Variants in SPECC1L observed in about 807,000 individuals in gnomAD.
SPECC1L encodes the protein sperm antigen with calponin homology and coiled-coil domains 1 like.
A neutral mutation model predicts 116.8 loss-of-function variants in SPECC1L; 40 were observed. The ratio of observed to expected loss-of-function variants is 0.34; its 90% CI spans 0.27 to 0.45. The LOEUF (loss-of-function observed/expected upper bound fraction) is 0.45. Ranked by LOEUF, SPECC1L falls within the 20% of genes least tolerant of loss-of-function variation. The pLI is 1.00. For synonymous variants in SPECC1L, 504 were observed against 500.6 expected, an observed-to-expected ratio of 1.01 and a Z score of -0.09; for missense variants, 1,110 against 1,373.6, an observed-to-expected ratio of 0.81 and a Z score of 3.03.
chr22:24,355,959 A>G (rs1389037205), intron 11 of SPECC1L, among the ~76,000 whole-genome samples: 1 of 151,852 alleles, frequency 6.6e-6, no homozygotes, highest in African/African-American at 2.4e-5. Flanking sequence ...ATCACCCCCA[A>G]AATTCCTTCA....
At position 24,342,987 on chromosome 22, in the gene SPECC1L, G is replaced by A. The variant is rs141607385; in HGVS notation, c.2653-4099G>A. Among the ~76,000 whole-genome samples the A allele has an allele frequency of 9.9e-5, 15 of 152,176 alleles. No homozygotes were observed. In the East Asian group the frequency reaches 2.9e-3, roughly 30 times the overall value. On this transcript the variant is annotated intron_variant, in intron 10 of 16. Coordinates refer to ENST00000314328, the MANE Select transcript of SPECC1L (RefSeq NM_015330.6). ...GTGGGCAGATCACCTGAGCTCAGGA[G>A]TTTGAAACCAGCCTGGACAACATGG... is the stretch of plus-strand genomic sequence containing the variant.
intron 2 of SPECC1L, among the ~76,000 whole-genome samples, chr22:24,282,471 A>G (rs1232184038): frequency 6.6e-6 from 1 of 152,166 alleles, no homozygotes; most frequent in Non-Finnish European, 1.5e-5. Context: ...GTTAAGTTAG[A>G]TCTCTCACTG....
intron 14 of SPECC1L, among the ~76,000 whole-genome samples, chr22:24,371,857 G>A (rs558507268): frequency 6.6e-6 from 1 of 152,318 alleles, no homozygotes; most frequent in South Asian, 2.1e-4. Flanking sequence ...AAGTAGCTGG[G>A]ATTACAAACG....
At chr22:24,288,618 T>A (rs2049096600) in intron 2 of SPECC1L, among the ~76,000 whole-genome samples, 1 of 63,478 alleles carries the variant, frequency 1.6e-5, no homozygotes, top group Non-Finnish European at 3.3e-5. Flanking sequence ...TTTTAAGCTT[T>A]TTTTTTTTTT....
intron 14 of SPECC1L, among the ~76,000 whole-genome samples, chr22:24,393,399 A>G (rs1374801868): frequency 6.6e-6 from 1 of 152,076 alleles, no homozygotes; most frequent in Non-Finnish European, 1.5e-5. Context: ...GTGTGTTTGC[A>G]GCTGCAGGAC....
chr22:24,396,295 G>T (rs1043562780), intron 14 of SPECC1L, among the ~76,000 whole-genome samples: 3 of 148,334 alleles, frequency 2.0e-5, no homozygotes, highest in South Asian at 2.1e-4. Flanking sequence ...ACTTTCTGTG[G>T]TTTTTTTTTT....
chr22:24,382,194 A>C (rs1214658081), intron 14 of SPECC1L, among the ~76,000 whole-genome samples: 1 of 152,190 alleles, frequency 6.6e-6, no homozygotes, highest in Non-Finnish European at 1.5e-5. Flanking sequence ...GCAGGAGCCA[A>C]AATTATAGAG....
In SPECC1L at chr22:24,276,721, C is replaced by T. The variant is rs932952831; in HGVS notation, c.-120C>T. 2 of 452,776 alleles carry T rather than the reference C, an allele frequency of 4.4e-6. No homozygotes were observed. The highest frequency in any genetic ancestry group is 8.8e-6 in the Non-Finnish European group (2 of 226,290). The allele number at this position is 452,776 out of a possible 1,614,324, so 28.0% of individuals were successfully genotyped here. A position where few individuals can be genotyped will look rare whatever the true frequency, so the allele number is the denominator to read the frequency against. On this transcript the variant is annotated 5_prime_UTR_variant, in exon 2 of 17. Transcript: ENST00000314328. ...CTAGTGTTCTTGGGGAAGATCCCGACTAAGCCATTTTCCAGTGGCACCTCT... is the reference window on the plus strand; with the variant it reads ...CTAGTGTTCTTGGGGAAGATCCCGATTAAGCCATTTTCCAGTGGCACCTCT...
intron 2 of SPECC1L, among the ~76,000 whole-genome samples, chr22:24,299,004 A>G (rs1296699625): frequency 6.6e-6 from 1 of 152,220 alleles, no homozygotes; most frequent in Non-Finnish European, 1.5e-5. Context: ...CATGATAGGT[A>G]GGGTGATATC....
chr22:24,325,489 TTCTG>T (rs1472468345), intron 6 of SPECC1L, among the ~76,000 whole-genome samples: 2 of 152,216 alleles, frequency 1.3e-5, no homozygotes, highest in Non-Finnish European at 2.9e-5. Context: ...GTGCATTTTA[TTCTG>T]TCTGAGTATT....
chr22:24,285,404 G>T (rs1427895090), intron 2 of SPECC1L, among the ~76,000 whole-genome samples: 2 of 152,082 alleles, frequency 1.3e-5, no homozygotes, highest in African/African-American at 4.8e-5. Flanking sequence ...ATGAAAGACC[G>T]AAATTTGGAG....
At chr22:24,273,930 G>A (rs566075808) in intron 1 of SPECC1L, among the ~76,000 whole-genome samples, 2 of 152,148 alleles carry the variant, frequency 1.3e-5, no homozygotes, top group African/African-American at 4.8e-5. Flanking sequence ...GGCTGATTTT[G>A]TATTTTTAGT....
chr22:24,385,471 T>G (rs2042144072), intron 14 of SPECC1L, among the ~76,000 whole-genome samples: 1 of 152,192 alleles, frequency 6.6e-6, no homozygotes, highest in South Asian at 2.1e-4. Context: ...AGACCCACTT[T>G]AAATGGAAAG....
chr22:24,311,804 CAAAA>C (rs915422222), intron 3 of SPECC1L, among the ~76,000 whole-genome samples: 9 of 46,568 alleles, frequency 1.9e-4, no homozygotes, highest in African/African-American at 4.9e-4. Flanking sequence ...GACTTTGTCT[CAAAA>C]AAAAAAAAAA....
intron 3 of SPECC1L, among the ~76,000 whole-genome samples, chr22:24,303,041 G>C (rs1365414854): frequency 6.6e-6 from 1 of 151,998 alleles, no homozygotes; most frequent in East Asian, 1.9e-4. Flanking sequence ...TGTTGCCCAG[G>C]CTGGTCTCCT....
At chr22:24,364,585 C>A (rs1265258850) in intron 12 of SPECC1L, among the ~76,000 whole-genome samples, 2 of 150,572 alleles carry the variant, frequency 1.3e-5, no homozygotes, top group African/African-American at 4.9e-5. Flanking sequence ...ATCACTTGAA[C>A]CCAGGAGGCA....
chr22:24,317,647 G>T (rs2040620486), intron 4 of SPECC1L, among the ~76,000 whole-genome samples: 1 of 151,480 alleles, frequency 6.6e-6, no homozygotes, highest in Non-Finnish European at 1.5e-5. Context: ...GGGGCGGCTG[G>T]CCAGGCGGGG....
At chr22:24,295,282 A>T (rs1314802735) in intron 2 of SPECC1L, among the ~76,000 whole-genome samples, 2 of 150,920 alleles carry the variant, frequency 1.3e-5, no homozygotes, top group Non-Finnish European at 2.9e-5. Flanking sequence ...TTTAAATTTA[A>T]AAGTAGATAT....
chr22:24,385,152 A>G (rs1303900983), intron 14 of SPECC1L, among the ~76,000 whole-genome samples: 1 of 151,982 alleles, frequency 6.6e-6, no homozygotes, highest in East Asian at 1.9e-4. Context: ...CATATTTTTA[A>G]TATATTTGAT....
Sources: gnomAD v4.1 joint callset for allele counts (sites outside exome capture counted in the v4.1 genomes callset) on GRCh38, gnomAD v4.1.1 for gene constraint, MANE v1.5 for transcripts, NCBI Gene and HGNC (gene_info 2026-07-23, HGNC 2026-07-21) for gene names.